Variants in PKNOX1 observed in about 807,000 individuals in gnomAD.
The protein encoded by PKNOX1 is PBX/knotted 1 homeobox 1.
PKNOX1 carries 15 observed loss-of-function variants against 51.9 expected under a neutral mutation model. The ratio of observed to expected loss-of-function variants is 0.29; its 90% CI spans 0.19 to 0.45. The LOEUF is 0.45. Among genes scored for constraint, PKNOX1 ranks in the 20% least tolerant of loss-of-function variants. The pLI is 1.00. For synonymous variants in PKNOX1, 219 were observed against 211.1 expected, an observed-to-expected ratio of 1.04 and a Z score of -0.32; for missense variants, 462 against 547.5, an observed-to-expected ratio of 0.84 and a Z score of 1.56.
chr21:42,980,329 T>G (rs551522113), intron 1 of PKNOX1, among the ~76,000 whole-genome samples: 1 of 151,614 alleles, frequency 6.6e-6, no homozygotes, highest in South Asian at 2.1e-4. Context: ...CTGAGATCGC[T>G]CCAGTGCACT....
chr21:43,005,599 G>A (rs2146263675), intron 2 of PKNOX1, among the ~76,000 whole-genome samples: 1 of 150,998 alleles, frequency 6.6e-6, no homozygotes, highest in Admixed American at 6.6e-5. Flanking sequence ...GTGGCTCCCT[G>A]TGGATTCCTG....
chr21:42,985,349 T>C (rs533010502), intron 1 of PKNOX1, among the ~76,000 whole-genome samples: 105 of 152,254 alleles, frequency 6.9e-4, no homozygotes, highest in African/African-American at 2.5e-3. Context: ...TGTTTGTTTG[T>C]TTTGAGACGG....
chr21:43,032,287 C>G lies in PKNOX1; in HGVS notation c.*2186C>G, dbSNP rs995762457. The G allele has an allele frequency of 2.3e-6, 1 of 443,304 alleles. No homozygotes were observed. The highest frequency in any genetic ancestry group is 2.0e-5 in the African/African-American group (1 of 49,644). 27.5% of individuals were successfully genotyped at this position (443,304 alleles called of 1,614,324 possible). On this transcript the variant is annotated 3_prime_UTR_variant, in exon 11 of 11. Transcript: ENST00000291547. ...TTGTTGGACTCCTTAAAATAAGCAC[C>G]CATGAAAGCCAGCCAGCCCTTCCTC...
intron 1 of PKNOX1, among the ~76,000 whole-genome samples, chr21:42,987,402 AAAAT>A (rs1267062120): frequency 3.1e-3 from 191 of 62,528 alleles, no homozygotes; most frequent in Non-Finnish European, 5.2e-3. Flanking sequence ...AAAAAAAAAA[AAAAT>A]ATATATATAT....
intron 1 of PKNOX1, among the ~76,000 whole-genome samples, chr21:42,997,284 T>C (rs1978547960): frequency 6.6e-6 from 1 of 152,236 alleles, no homozygotes; most frequent in South Asian, 2.1e-4. Context: ...GGACTAGTGC[T>C]ATGCGTCAGC....
intron 3 of PKNOX1, among the ~76,000 whole-genome samples, chr21:43,009,707 C>T (rs556957765): frequency 1.1e-4 from 17 of 151,724 alleles, no homozygotes; most frequent in African/African-American, 3.1e-4. Flanking sequence ...CCAGACACCA[C>T]GGTCACAGGT....
chr21:42,974,855 G>GA (rs2058983765), intron 1 of PKNOX1, among the ~76,000 whole-genome samples, 191 bp downstream of exon 1: 1 of 148,120 alleles, frequency 6.8e-6, no homozygotes, highest in African/African-American at 2.5e-5. Flanking sequence ...GGCGCGGGTG[G>GA]GGGAGGGGAG....
intron 1 of PKNOX1, among the ~76,000 whole-genome samples, chr21:43,003,473 G>A (rs180856317): frequency 6.6e-5 from 10 of 152,246 alleles, no homozygotes; most frequent in East Asian, 1.9e-4. Flanking sequence ...TTTTCCACCC[G>A]TCTCAGGCCT....
chr21:42,975,130 G>C (rs2058986667), intron 1 of PKNOX1, among the ~76,000 whole-genome samples: 1 of 145,138 alleles, frequency 6.9e-6, no homozygotes, highest in South Asian at 2.1e-4. Flanking sequence ...GGCCGGGGCG[G>C]GCGGCGCGCG....
At chr21:42,991,443 T>G (rs529005958) in intron 1 of PKNOX1, among the ~76,000 whole-genome samples, 41 of 152,212 alleles carry the variant, frequency 2.7e-4, no homozygotes, top group African/African-American at 9.4e-4. Context: ...ACAAATTGTA[T>G]TGGCCAGGCG....
intron 1 of PKNOX1, among the ~76,000 whole-genome samples, chr21:42,987,396 A>ATATAT (rs1477132985): frequency 3.2e-5 from 3 of 94,100 alleles, no homozygotes; most frequent in African/African-American, 1.4e-4. Flanking sequence ...AAAAAAAAAA[A>ATATAT]AAAAAAAAAT....
chr21:43,026,569 C>T (rs1402922178), intron 9 of PKNOX1, among the ~76,000 whole-genome samples: 1 of 152,058 alleles, frequency 6.6e-6, no homozygotes, highest in African/African-American at 2.4e-5. Flanking sequence ...CCAGCCTGAC[C>T]AACATGGTGA....
At chr21:42,977,917 C>T (rs759079294) in intron 1 of PKNOX1, among the ~76,000 whole-genome samples, 3 of 152,066 alleles carry the variant, frequency 2.0e-5, no homozygotes, top group East Asian at 1.9e-4. Flanking sequence ...GCCTGGTTCT[C>T]GATTAGGCTT....
intron 2 of PKNOX1, among the ~76,000 whole-genome samples, chr21:43,006,846 TA>T (rs1221690440): frequency 2.0e-5 from 3 of 152,236 alleles, no homozygotes; most frequent in African/African-American, 7.2e-5. Flanking sequence ...CATGGATAAC[TA>T]GAAGTTTACT....
intron 7 of PKNOX1, among the ~76,000 whole-genome samples, chr21:43,018,520 A>C (rs1601297987): frequency 1.2e-5 from 1 of 83,556 alleles, no homozygotes; most frequent in Non-Finnish European, 2.3e-5. Context: ...ACACACACAC[A>C]CACAGAGTTA....
In PKNOX1 at chr21:43,033,429, TTTCGTTC is replaced by T. The variant is rs55923175; in HGVS notation, c.*3330_*3336del. ...TAGAGACAGAAAGAACTCAGCAATC[TTTCGTTC>T]TAGTTATATTCGGTCTTTGAAACTG... is the stretch of plus-strand genomic sequence containing the variant. On this transcript the variant is annotated 3_prime_UTR_variant, in exon 11 of 11. Coordinates refer to ENST00000291547, the MANE Select transcript of PKNOX1 (RefSeq NM_004571.5). 0.093 allele frequency: 14,161 copies of T among 152,622 alleles called. 772 individuals are homozygous for T. Among genetic ancestry groups the T allele is most frequent in the Non-Finnish European group, 0.12 (7,920 of 67,984 alleles). The allele number at this position is 152,622 out of a possible 1,614,324, so 9.5% of individuals were successfully genotyped here.
At chr21:42,998,246 C>T (rs1978596215) in intron 1 of PKNOX1, among the ~76,000 whole-genome samples, 1 of 152,158 alleles carries the variant, frequency 6.6e-6, no homozygotes, top group Non-Finnish European at 1.5e-5. Context: ...TTTTTAAAAC[C>T]ATCAGATCTT....
chr21:43,014,237 G>T (rs944640779), intron 5 of PKNOX1, among the ~76,000 whole-genome samples: 2 of 151,954 alleles, frequency 1.3e-5, no homozygotes, highest in Non-Finnish European at 2.9e-5. Flanking sequence ...TAGCCAGGAT[G>T]GTCTCGATCT....
At chr21:43,005,574 C>T (rs1050466223) in intron 2 of PKNOX1, among the ~76,000 whole-genome samples, 4 of 151,430 alleles carry the variant, frequency 2.6e-5, no homozygotes, top group Admixed American at 2.0e-4. Flanking sequence ...AATAATGTCC[C>T]GCCTGAGCTC....
Sources: allele counts gnomAD v4.1 joint callset (sites outside exome capture counted in the v4.1 genomes callset), GRCh38; gene constraint gnomAD v4.1.1; transcripts MANE v1.5; gene names NCBI Gene and HGNC (gene_info 2026-07-23, HGNC 2026-07-21).